Variants in ACSS2 observed in about 807,000 individuals in gnomAD.
ACSS2 encodes acyl-CoA synthetase short chain family member 2.
In ACSS2, 58 loss-of-function variants were observed where a neutral mutation model predicts 90.6. The ratio of observed to expected loss-of-function variants is 0.64; its 90% confidence interval spans 0.52 to 0.80. The LOEUF is 0.80. Among genes scored for constraint, ACSS2 ranks in the 30% least tolerant of loss-of-function variants. ACSS2 has a pLI of 0.00. For missense variants in ACSS2, 759 were observed against 912.0 expected (o/e 0.83, Z 2.16); for synonymous variants, 300 against 330.9 (o/e 0.91, Z 1.01).
chr20:34,886,107 C>A (rs1420415405), intron 2 of ACSS2, among the ~76,000 whole-genome samples: 1 of 151,978 alleles, frequency 6.6e-6, no homozygotes, highest in Non-Finnish European at 1.5e-5. Flanking sequence ...AAATGATATG[C>A]TTATACTGCT....
In ACSS2 at chr20:34,876,686, G is replaced by C; in HGVS notation, c.41G>C (p.Ser14Thr). ...PEERVRSGSGSRGQEEAGAGG... is the reference protein window; with the variant it reads ...PEERVRSGSGTRGQEEAGAGG... Reference sequence around the variant, plus strand: ...GAGCGGGTCCGGAGCGGCAGCGGGAGCCGGGGCCAGGAGGAAGCTGGAGCC... The same window carrying C: ...GAGCGGGTCCGGAGCGGCAGCGGGACCCGGGGCCAGGAGGAAGCTGGAGCC... The change falls in exon 1 of 18, where the codon AGC (serine) becomes ACC (threonine). Residue 14 changes from serine to threonine, a missense_variant. Coordinates refer to ENST00000360596, the MANE Select transcript of ACSS2 (RefSeq NM_018677.4). 7.0e-7 allele frequency: 1 copy of C among 1,420,786 alleles called. No individual in the cohort carries two copies. The highest frequency in any genetic ancestry group is 1.5e-5 in the South Asian group (1 of 67,700). 88.0% of individuals were successfully genotyped at this position (1,420,786 alleles called of 1,614,324 possible). A position where few individuals can be genotyped will look rare whatever the true frequency, so the allele number is the denominator to read the frequency against.
Position 34,919,481 on chromosome 20 carries a change from A to G in ACSS2, c.881A>G (p.Gln294Arg). 6.2e-7 allele frequency: 1 copy of G among 1,613,066 alleles called. No homozygotes were observed. The highest frequency in any genetic ancestry group is 2.2e-5 in the East Asian group (1 of 44,844). ...GIDLWWHELM[Q>R]EAGDECEPEW... is the part of the protein sequence containing the mutation. ...GACTTGTGGTGGCATGAGCTCATGC[A>G]AGAGGCAGGGGATGAGTGTGAGCCC... The change falls in exon 8 of 18, where the codon CAA becomes CGA. Residue 294 changes from glutamine to arginine, a missense_variant. By Grantham distance (43) the Gln-to-Arg change is conservative. Transcript: ENST00000360596.
At chr20:34,875,951 T>G (rs2079897123), upstream of ACSS2, 1 of 152,624 alleles carries the variant, frequency 6.6e-6, no homozygotes. Context: ...GAGGAGGTGC[T>G]GTCGCCAGAG....
chr20:34,876,848 G>T, intron 1 of ACSS2, 25 bp downstream of exon 1: 1 of 1,266,992 alleles, frequency 7.9e-7, no homozygotes, highest in Non-Finnish European at 1.0e-6. Flanking sequence ...GGGCGGGCCT[G>T]GGGTGTCAGT....
Position 34,919,572 on chromosome 20 carries a change from G to A in ACSS2, c.972G>A (p.Lys324=). The change falls in exon 8 of 18, where the codon AAG becomes AAA. Residue 324 remains lysine (K), a splice_region_variant and synonymous_variant. Transcript: ENST00000360596. ...LYTSGSTGKP[K]GVVHTVGGYM... ...CCAGTGGCTCCACAGGCAAACCCAA[G>A]GCAAGTGTGTGTGTGTGTGTGTGTG... The A allele has an allele frequency of 6.3e-7, 1 of 1,589,508 alleles. No homozygotes were observed. The highest frequency in any genetic ancestry group is 8.5e-7 in the Non-Finnish European group (1 of 1,173,162).
upstream of ACSS2, chr20:34,875,179 T>A (rs1353124141): frequency 5.6e-6 from 3 of 534,086 alleles, no homozygotes; most frequent in Non-Finnish European, 1.2e-5. Flanking sequence ...CTTTCTGGGG[T>A]GGAGGGGCTA....
intron 4 of ACSS2, 27 bp downstream of exon 4, chr20:34,913,523 G>T (rs759960497): frequency 4.4e-6 from 7 of 1,594,156 alleles, no homozygotes; most frequent in Non-Finnish European, 6.0e-6. Context: ...GTGAAAAGGG[G>T]CAGGCGGGGG....
intron 5 of ACSS2, 94 bp from the exon 6 acceptor site, chr20:34,914,002 T>A: frequency 6.8e-7 from 1 of 1,460,680 alleles, no homozygotes; most frequent in Non-Finnish European, 9.5e-7. Flanking sequence ...AGAGCCAGAG[T>A]TAAGAGGCCT....
intron 2 of ACSS2, among the ~76,000 whole-genome samples, chr20:34,896,196 G>A (rs1184585720): frequency 6.6e-6 from 1 of 152,126 alleles, no homozygotes; most frequent in Non-Finnish European, 1.5e-5. Context: ...TTTGGCCAAG[G>A]GGAACATGCA....
chr20:34,924,718 G>A (rs1247007086), intron 14 of ACSS2, among the ~76,000 whole-genome samples: 1 of 143,426 alleles, frequency 7.0e-6, no homozygotes, highest in Non-Finnish European at 1.5e-5. Context: ...TTTTTTTTTT[G>A]AGACAGAATC....
intron 2 of ACSS2, among the ~76,000 whole-genome samples, chr20:34,883,549 T>C (rs2080118355): frequency 6.6e-6 from 1 of 152,234 alleles, no homozygotes; most frequent in South Asian, 2.1e-4. Context: ...GCAGTATAAT[T>C]ACAGAGCTTA....
At chr20:34,887,578 A>C in intron 2 of ACSS2, among the ~76,000 whole-genome samples, 1 of 151,638 alleles carries the variant, frequency 6.6e-6, no homozygotes, top group East Asian at 1.9e-4. Context: ...TGTCTCTACT[A>C]AAAAATACAA....
intron 7 of ACSS2, chr20:34,915,260 T>TC (rs1339874954): frequency 6.2e-7 from 1 of 1,613,958 alleles, no homozygotes; most frequent in African/African-American, 1.3e-5. Context: ...GCCCCAGGTA[T>TC]CCATTTCTGC....
chr20:34,911,685 CTATTTA>C lies in ACSS2; in HGVS notation c.375-1408_375-1403del, dbSNP rs3054612. Among the ~76,000 whole-genome samples, 784 of 152,286 alleles carry C rather than the reference CTATTTA, an allele frequency of 5.1e-3. 5 individuals carry two copies. Among genetic ancestry groups the C allele is most frequent in the African/African-American group, 0.018 (760 of 41,564 alleles). On this transcript the variant is annotated intron_variant, in intron 2 of 17. Coordinates refer to ENST00000360596, the MANE Select transcript of ACSS2 (RefSeq NM_018677.4). Reference sequence around the variant, plus strand: ...TCACTCATTTTTATATCATTCTGCTCTATTTATAATGCTTATCATAATCTGAAATTA... The same window carrying C: ...TCACTCATTTTTATATCATTCTGCTCTAATGCTTATCATAATCTGAAATTA...
At chr20:34,897,375 T>C (rs2378292) in intron 2 of ACSS2, among the ~76,000 whole-genome samples, 101,088 of 152,014 alleles carry the variant, frequency 0.66, 35,144 homozygotes, top group African/African-American at 0.87. Context: ...CAACTTCTTC[T>C]CCTCCAGCTC....
At chr20:34,918,626 G>T (rs1207164997) in intron 7 of ACSS2, among the ~76,000 whole-genome samples, 1 of 152,160 alleles carries the variant, frequency 6.6e-6, no homozygotes, top group African/African-American at 2.4e-5. Context: ...GGTACCAGTG[G>T]TGTAAAGGCA....
At chr20:34,901,960 A>T (rs2147036083) in intron 2 of ACSS2, among the ~76,000 whole-genome samples, 1 of 152,294 alleles carries the variant, frequency 6.6e-6, no homozygotes, top group Admixed American at 6.5e-5. Flanking sequence ...CAGATTCAAC[A>T]TGATATCTCC....
intron 2 of ACSS2, among the ~76,000 whole-genome samples, chr20:34,884,046 A>G (rs2080131399): frequency 6.6e-6 from 1 of 152,168 alleles, no homozygotes; most frequent in African/African-American, 2.4e-5. Flanking sequence ...CCCCTGCTCA[A>G]GCAATCCTGC....
chr20:34,919,459 T>C lies in ACSS2; in HGVS notation c.859T>C (p.Leu287=). ...GATCTCATGGAACCAAGGGATTGACTTGTGGTGGCATGAGCTCATGCAAGA... is the reference window on the plus strand; with the variant it reads ...GATCTCATGGAACCAAGGGATTGACCTGTGGTGGCATGAGCTCATGCAAGA... ...VQISWNQGID[L]WWHELMQEAG... is the part of the protein sequence containing the mutation. The change falls in exon 8 of 18, where the codon TTG becomes CTG. Residue 287 remains leucine (L), a synonymous_variant. Transcript: ENST00000360596. 6.2e-7 allele frequency: 1 copy of C among 1,613,630 alleles called. No individual in the cohort carries two copies. The highest frequency in any genetic ancestry group is 8.5e-7 in the Non-Finnish European group (1 of 1,179,998).
Sources: allele counts gnomAD v4.1 joint callset (sites outside exome capture counted in the v4.1 genomes callset), GRCh38; gene constraint gnomAD v4.1.1; transcripts MANE v1.5; gene names NCBI Gene and HGNC (gene_info 2026-07-23, HGNC 2026-07-21).